The following TNR variants were observed in gnomAD, a reference collection of about 807,000 sequenced individuals.
The protein encoded by TNR is tenascin-R.
Under a neutral mutation model 150.4 loss-of-function variants are expected in TNR, and 45 were observed. The observed-to-expected ratio is 0.30, with a 90% CI of 0.24 to 0.38. TNR has a LOEUF of 0.38. Ranked by LOEUF, TNR falls within the 10% of genes least tolerant of loss-of-function variation. TNR has a pLI of 1.00. For missense variants in TNR, 1,544 were observed against 1,759.1 expected (o/e 0.88, Z 2.19); for synonymous variants, 687 against 678.4 (o/e 1.01, Z -0.20).
chr1:175,693,612 A>T (rs573021517), intron 1 of TNR, among the ~76,000 whole-genome samples: 1 of 152,304 alleles, frequency 6.6e-6, no homozygotes, highest in African/African-American at 2.4e-5. Context: ...GACTCACAAG[A>T]GGGATGGGGA....
chr1:175,319,147 G>A lies in TNR; in HGVS notation c.*4210C>T, dbSNP rs1648921509. 1.3e-5 allele frequency: 2 copies of A among 152,116 alleles called. No individual in the cohort carries two copies. Among genetic ancestry groups the A allele is most frequent in the African/African-American group, 4.8e-5 (2 of 41,408 alleles). The allele number at this position is 152,116 out of a possible 1,614,324, so 9.4% of individuals were successfully genotyped here. A position where few individuals can be genotyped will look rare whatever the true frequency, so the allele number is the denominator to read the frequency against. On this transcript the variant is annotated 3_prime_UTR_variant, in exon 23 of 23. Coordinates refer to ENST00000367674, the MANE Select transcript of TNR (RefSeq NM_003285.3). ...GAATACCATATATCCTGGGCATGTG[G>A]CCCCACCTTTCCTGAAATTCTGGGT... is the stretch of plus-strand genomic sequence containing the variant.
chr1:175,736,053 C>G (rs1159839932), intron 1 of TNR, among the ~76,000 whole-genome samples: 1 of 152,206 alleles, frequency 6.6e-6, no homozygotes, highest in East Asian at 1.9e-4. Context: ...AAATTCGGGT[C>G]AACCCAATAA....
chr1:175,594,136 C>T (rs1662915663), intron 1 of TNR, among the ~76,000 whole-genome samples: 1 of 152,112 alleles, frequency 6.6e-6, no homozygotes, highest in African/African-American at 2.4e-5. Flanking sequence ...TCTAAAGAAA[C>T]AGAGAAGGTG....
In TNR at chr1:175,366,076, A is replaced by G; in HGVS notation, c.2116T>C (p.Trp706Arg). 6.2e-7 allele frequency: 1 copy of G among 1,614,000 alleles called. No individual in the cohort carries two copies. The highest frequency in any genetic ancestry group is 8.5e-7 in the Non-Finnish European group (1 of 1,179,896). ...ASSETSISLI[W>R]TKASGPIDHY... is the part of the protein sequence containing the mutation. The stretch of plus-strand genomic sequence containing the variant: ...TCAATGGGGCCACTGGCCTTGGTCC[A>G]GATGAGGGAGATGGAGGTCTCCGAG... Residue 706 changes from tryptophan (W) to arginine (R), a missense_variant, in exon 11 of 23, where the codon TGG becomes CGG. By Grantham distance (101) the Trp-to-Arg change is moderately radical (BLOSUM62 -3). This residue lies in a region of TNR where 1,254 missense variants were observed against 1,329.4 expected (regional missense o/e 0.94). Transcript: ENST00000367674.
chr1:175,628,132 GC>G (rs1244045889), intron 1 of TNR, among the ~76,000 whole-genome samples: 1 of 152,220 alleles, frequency 6.6e-6, no homozygotes, highest in Admixed American at 6.5e-5. Context: ...CTCTTTACCA[GC>G]ATTCCAGGTG....
chr1:175,503,420 A>G (rs1373906460), intron 2 of TNR, among the ~76,000 whole-genome samples: 1 of 152,172 alleles, frequency 6.6e-6, no homozygotes, highest in Non-Finnish European at 1.5e-5. Flanking sequence ...TAAATTAGGT[A>G]ATATATATAT....
intron 1 of TNR, among the ~76,000 whole-genome samples, chr1:175,604,781 C>T (rs1482750302): frequency 6.6e-6 from 1 of 152,194 alleles, no homozygotes; most frequent in Non-Finnish European, 1.5e-5. Flanking sequence ...GCGACAGTCC[C>T]TGGGTCCCTA....
intron 2 of TNR, among the ~76,000 whole-genome samples, chr1:175,521,588 A>C (rs966768777): frequency 6.6e-6 from 1 of 152,194 alleles, no homozygotes; most frequent in African/African-American, 2.4e-5. Context: ...TAGCTGCTCT[A>C]CCATCAACAT....
In TNR at chr1:175,367,211, T is replaced by A. The variant is rs1350251505; in HGVS notation, c.2050A>T (p.Thr684Ser). 1 of 1,614,062 alleles carries A rather than the reference T, an allele frequency of 6.2e-7. No homozygotes were observed. The highest frequency in any genetic ancestry group is 1.7e-5 in the Admixed American group (1 of 60,020). Residue 684 changes from threonine to serine, a missense_variant, in exon 10 of 23, where the codon ACT (threonine) becomes TCT (serine). Physicochemically the swap from Thr to Ser is moderately conservative, Grantham distance 58. Coordinates refer to ENST00000367674, the MANE Select transcript of TNR (RefSeq NM_003285.3). The part of the protein sequence containing the change: ...QSVPATMNAR[T>S]ELDSPRDLMV... ...CCTCAGCAGTCCTCCTACTCACCAG[T>A]CCTGGCATTCATGGTGGCTGGCACG...
At chr1:175,435,120 T>G (rs1182168858) in intron 2 of TNR, among the ~76,000 whole-genome samples, 4 of 152,196 alleles carry the variant, frequency 2.6e-5, no homozygotes, top group Admixed American at 2.6e-4. Flanking sequence ...ATCTGAAGTA[T>G]GTTTTGAAAG....
intron 1 of TNR, among the ~76,000 whole-genome samples, chr1:175,742,361 C>T (rs1164976590): frequency 6.6e-6 from 1 of 152,128 alleles, no homozygotes; most frequent in Non-Finnish European, 1.5e-5. Flanking sequence ...AGAGACAAAC[C>T]TTTATTCTTA....
chr1:175,486,151 T>C (rs1401707037), intron 2 of TNR, among the ~76,000 whole-genome samples: 1 of 151,986 alleles, frequency 6.6e-6, no homozygotes, highest in Non-Finnish European at 1.5e-5. Context: ...ATACTTTAAG[T>C]TCTGGGATAC....
At chr1:175,328,122 A>G (rs1299787358) in intron 21 of TNR, among the ~76,000 whole-genome samples, 1 of 152,186 alleles carries the variant, frequency 6.6e-6, no homozygotes, top group African/African-American at 2.4e-5. Context: ...ACACAAAAAC[A>G]AAAACAGAAA....
At chr1:175,623,112 C>T (rs544863514) in intron 1 of TNR, among the ~76,000 whole-genome samples, 1 of 152,318 alleles carries the variant, frequency 6.6e-6, no homozygotes, top group East Asian at 1.9e-4. Flanking sequence ...TGCTCTTCAA[C>T]TTGTCTCTCA....
intron 1 of TNR, among the ~76,000 whole-genome samples, chr1:175,735,322 C>T (rs1195483634): frequency 6.6e-6 from 1 of 152,126 alleles, no homozygotes; most frequent in African/African-American, 2.4e-5. Flanking sequence ...AAGAGGGCAC[C>T]GTGACTGTCA....
chr1:175,609,007 G>A (rs1033553731), intron 1 of TNR, among the ~76,000 whole-genome samples: 1 of 152,188 alleles, frequency 6.6e-6, no homozygotes, highest in Non-Finnish European at 1.5e-5. Context: ...AGGCCCATAA[G>A]AGGCACAAAA....
intron 1 of TNR, among the ~76,000 whole-genome samples, chr1:175,631,707 GGTGT>G (rs1218488203): frequency 6.6e-6 from 1 of 151,944 alleles, no homozygotes; most frequent in East Asian, 1.9e-4. Context: ...TGAGTGTGAG[GGTGT>G]GTGTGTTTGT....
intron 2 of TNR, among the ~76,000 whole-genome samples, chr1:175,486,935 C>T (rs1658043074): frequency 6.6e-6 from 1 of 152,198 alleles, no homozygotes. Flanking sequence ...TGAGAAGTGT[C>T]TGTTCATATC....
At chr1:175,493,165 AG>A (rs1658334366) in intron 2 of TNR, among the ~76,000 whole-genome samples, 1 of 152,104 alleles carries the variant, frequency 6.6e-6, no homozygotes. Context: ...CAAGATGCTC[AG>A]GGTTGCACGG....
Sources: allele counts gnomAD v4.1 joint callset (sites outside exome capture counted in the v4.1 genomes callset), GRCh38; gene constraint gnomAD v4.1.1; regional missense constraint gnomAD v4.1.1; transcripts MANE v1.5; gene names NCBI Gene and HGNC (gene_info 2026-07-23, HGNC 2026-07-21).